The following SUPT5H variants were observed in gnomAD, a reference collection of about 807,000 sequenced individuals.
SUPT5H encodes the protein SPT5 homolog, DSIF elongation factor subunit.
Under a neutral mutation model 142.5 loss-of-function variants are expected in SUPT5H, and 24 were observed. The observed-to-expected ratio is 0.17, with a 90% CI of 0.12 to 0.24. The LOEUF is 0.24. SUPT5H is among the 10% of genes least tolerant of loss of function. The pLI, the probability that SUPT5H is intolerant of heterozygous loss-of-function variation, is 1.00. For missense variants in SUPT5H, 893 were observed against 1,471.8 expected (o/e 0.61, Z 6.43); for synonymous variants, 546 against 553.0 (o/e 0.99, Z 0.18).
chr19:39,446,804 C>G (rs2078960034), intron 2 of SUPT5H, among the ~76,000 whole-genome samples: 2 of 152,136 alleles, frequency 1.3e-5, no homozygotes, highest in Admixed American at 6.6e-5. Flanking sequence ...GTCAGGAGTT[C>G]AAGACCAGCC....
chr19:39,454,586 C>T lies in SUPT5H; in HGVS notation c.241+1065C>T, dbSNP rs113394994. On this transcript the variant is annotated intron_variant, in intron 3 of 29. Coordinates refer to ENST00000432763, the MANE Select transcript of SUPT5H (RefSeq NM_001111020.3). ...CGAACTCCTGACCTTGTGATCCGCC[C>T]GCCCTGGCCTCCCAAAGTGCTGAGA... Among the ~76,000 whole-genome samples the T allele has an allele frequency of 3.5e-3, 524 of 151,808 alleles. 3 individuals carry two copies. Among genetic ancestry groups the T allele is most frequent in the African/African-American group, 0.012 (500 of 41,376 alleles).
At chr19:39,451,187 C>T (rs1442925339) in intron 2 of SUPT5H, among the ~76,000 whole-genome samples, 3 of 111,698 alleles carry the variant, frequency 2.7e-5, no homozygotes, top group South Asian at 2.9e-4. Flanking sequence ...TGAGCATGAC[C>T]TTTTTTTTTT....
chr19:39,459,880 C>T lies in SUPT5H; in HGVS notation c.556-12C>T, dbSNP rs1458094210. On this transcript the variant is annotated splice_polypyrimidine_tract_variant and intron_variant, in intron 9 of 29. Coordinates refer to ENST00000432763, the MANE Select transcript of SUPT5H (RefSeq NM_001111020.3). ...CCTGTCATCTCTCTCAAATCTGCCT[C>T]TCATCTTCCAGATTGGGGAGGAACG... 1.9e-6 allele frequency: 3 copies of T among 1,614,094 alleles called. No individual in the cohort carries two copies. The highest frequency in any genetic ancestry group is 1.1e-5 in the South Asian group (1 of 91,078).
rs1201399286 is a variant in SUPT5H at position 39,472,516 on chromosome 19, G to A, written c.2035+23G>A. 1 of 1,612,430 alleles carries A rather than the reference G, an allele frequency of 6.2e-7. No homozygotes were observed. The highest frequency in any genetic ancestry group is 2.2e-5 in the East Asian group (1 of 44,864). On this transcript the variant is annotated intron_variant, in intron 21 of 29. Coordinates refer to ENST00000432763, the MANE Select transcript of SUPT5H (RefSeq NM_001111020.3). The surrounding 1 kb of genome is among the most constrained non-coding windows in gnomAD (Gnocchi z 4.2). ...GAGGTGAGAGGGGTTCAGGGTCAGG[G>A]GATGTGGTGGGTAGAAGGGGCTGGA... is the stretch of plus-strand genomic sequence containing the variant.
chr19:39,468,022 G>C (rs906666248), intron 13 of SUPT5H: 3 of 152,160 alleles, frequency 2.0e-5, no homozygotes, highest in Non-Finnish European at 4.4e-5. Flanking sequence ...CCCTCTCCCA[G>C]ATTCACCATG....
intron 2 of SUPT5H, among the ~76,000 whole-genome samples, chr19:39,451,185 A>AT (rs2079017297): frequency 8.5e-6 from 1 of 117,378 alleles, no homozygotes; most frequent in Non-Finnish European, 1.7e-5. Flanking sequence ...TTTGAGCATG[A>AT]CCTTTTTTTT....
In SUPT5H at chr19:39,474,298, C is replaced by T; in HGVS notation, c.2716C>T (p.Pro906Ser). The change falls in exon 27 of 30, where the codon CCC becomes TCC. Residue 906 changes from proline (P) to serine (S), a missense_variant. Physicochemically the swap from Pro to Ser is moderately conservative, Grantham distance 74. Coordinates refer to ENST00000432763, the MANE Select transcript of SUPT5H (RefSeq NM_001111020.3). This position sits in a 1 kb window ranked among gnomAD's most constrained non-coding sequence, Gnocchi z 6.5. ...PSPQGSYQPS[P>S]SPQSYHQVAP... ...CCCACAAGGTTCCTACCAGCCCAGC[C>T]CCAGCCCCCAGAGCTACCACCAGGT... 1 of 1,614,108 alleles carries T rather than the reference C, an allele frequency of 6.2e-7. No individual in the cohort carries two copies. The highest frequency in any genetic ancestry group is 8.5e-7 in the Non-Finnish European group (1 of 1,180,006).
rs1420595149 is a variant in SUPT5H at position 39,474,209 on chromosome 19, G to GC, written c.2652-20dup. ...TTTTCCCCTCCCTCCTCCAACAAAT[G>GC]CCCCCTTCTCTCCTGTCTCTGCAGG... On this transcript the variant is annotated intron_variant, in intron 26 of 29. Transcript: ENST00000432763. The surrounding 1 kb of genome is among the most constrained non-coding windows in gnomAD (Gnocchi z 6.5). The GC allele has an allele frequency of 6.2e-7, 1 of 1,613,310 alleles. No homozygotes were observed. Among genetic ancestry groups the GC allele is most frequent in the East Asian group, 2.2e-5 (1 of 44,858 alleles).
rs2079310726 is a variant in SUPT5H at position 39,470,927 on chromosome 19, G to T, written c.1677+404G>T. On this transcript the variant is annotated intron_variant, in intron 18 of 29. Transcript: ENST00000432763. The surrounding 1 kb of genome is among the most constrained non-coding windows in gnomAD (Gnocchi z 5.8). ...CACATCTTGGCTTTGTTGCTCCTGTGCTGTCTGACCCTGGGCTAGTGACTC... is the reference window on the plus strand; with the variant it reads ...CACATCTTGGCTTTGTTGCTCCTGTTCTGTCTGACCCTGGGCTAGTGACTC... Among the ~76,000 whole-genome samples the T allele has an allele frequency of 6.6e-6, 1 of 152,090 alleles. No individual in the cohort carries two copies.
rs564231631 is a variant in SUPT5H at position 39,473,857 on chromosome 19, G to A, written c.2493-106G>A. 93 of 1,481,050 alleles carry A rather than the reference G, an allele frequency of 6.3e-5. No individual in the cohort carries two copies. In the Middle Eastern group the frequency reaches 9.2e-4, roughly 15 times the overall value. 91.7% of individuals were successfully genotyped at this position (1,481,050 alleles called of 1,614,324 possible). Reference sequence around the variant, plus strand: ...AGGAGTGCCTCTGGATGGGGCTCCCGTGAGAATGAAATTGCTTCAGTTGGG... The same window carrying A: ...AGGAGTGCCTCTGGATGGGGCTCCCATGAGAATGAAATTGCTTCAGTTGGG... On this transcript the variant is annotated intron_variant, in intron 25 of 29. Transcript: ENST00000432763. The surrounding 1 kb of genome is among the most constrained non-coding windows in gnomAD (Gnocchi z 5.8).
In SUPT5H at chr19:39,469,540, G is replaced by A. The variant is rs1331255129; in HGVS notation, c.1374+142G>A. 4.0e-6 allele frequency: 5 copies of A among 1,239,106 alleles called. No homozygotes were observed. Among genetic ancestry groups the A allele is most frequent in the African/African-American group, 1.5e-5 (1 of 67,262 alleles). The allele number at this position is 1,239,106 out of a possible 1,614,324, so 76.8% of individuals were successfully genotyped here. On this transcript the variant is annotated intron_variant, in intron 16 of 29. Transcript: ENST00000432763. This position sits in a 1 kb window ranked among gnomAD's most constrained non-coding sequence, Gnocchi z 5.1. The stretch of plus-strand genomic sequence containing the variant: ...GCCCTTCTAGCATTCTCAGGTGCCT[G>A]AGAGGCTCTGTCTGAGTGCAGCTCA...
At position 39,466,622 on chromosome 19, in the gene SUPT5H, G is replaced by A; in HGVS notation, c.966+53G>A. On this transcript the variant is annotated intron_variant, in intron 12 of 29. Coordinates refer to ENST00000432763, the MANE Select transcript of SUPT5H (RefSeq NM_001111020.3). This position sits in a 1 kb window ranked among gnomAD's most constrained non-coding sequence, Gnocchi z 4.3. ...GGGAGGGAGTGTGCTCGATCCCACTGGTGGCCAAGCCCCCTCCCTCACCCT... is the reference window on the plus strand; with the variant it reads ...GGGAGGGAGTGTGCTCGATCCCACTAGTGGCCAAGCCCCCTCCCTCACCCT... 6.2e-7 allele frequency: 1 copy of A among 1,613,062 alleles called. No homozygotes were observed. Among genetic ancestry groups the A allele is most frequent in the Non-Finnish European group, 8.5e-7 (1 of 1,179,006 alleles).
Position 39,472,363 on chromosome 19 carries a change from T to A in SUPT5H, c.1951-46T>A, listed in dbSNP as rs765951028. ...GATGATGAGTTCCTGTGGTTTGTGG[T>A]TCCCCCATCCCCTGCCTGCCAGTTC... On this transcript the variant is annotated intron_variant, in intron 20 of 29. Transcript: ENST00000432763. The surrounding 1 kb of genome is among the most constrained non-coding windows in gnomAD (Gnocchi z 4.2). 1 of 1,589,784 alleles carries A rather than the reference T, an allele frequency of 6.3e-7. No homozygotes were observed. Among genetic ancestry groups the A allele is most frequent in the Non-Finnish European group, 8.6e-7 (1 of 1,159,098 alleles).
rs1240419524 is a variant in SUPT5H, at chr19:39,445,874, C to T, written c.-17C>T. 1 of 1,612,680 alleles carries T rather than the reference C, an allele frequency of 6.2e-7. No homozygotes were observed. The highest frequency in any genetic ancestry group is 1.1e-5 in the South Asian group (1 of 90,872). On this transcript the variant is annotated 5_prime_UTR_variant, in exon 2 of 30. Coordinates refer to ENST00000432763, the MANE Select transcript of SUPT5H (RefSeq NM_001111020.3). ...GGGACGCGCCAAGGCTGCTGTCTTTCCCAGCAGCAGCGGAAGATGTCGGAC... is the reference window on the plus strand; with the variant it reads ...GGGACGCGCCAAGGCTGCTGTCTTTTCCAGCAGCAGCGGAAGATGTCGGAC...
chr19:39,456,235 C>CT (rs879431352), intron 3 of SUPT5H, among the ~76,000 whole-genome samples: 84 of 135,296 alleles, frequency 6.2e-4, no homozygotes, highest in South Asian at 9.5e-4. Flanking sequence ...TTTCTTTTTT[C>CT]TTTTTTTTTT....
intron 8 of SUPT5H, 123 bp downstream of exon 8, chr19:39,459,372 G>A (rs138163816): frequency 7.3e-6 from 10 of 1,368,572 alleles, no homozygotes; most frequent in African/African-American, 1.4e-5. Flanking sequence ...GTGGTGGATG[G>A]CAGGGGTAGG....
chr19:39,470,160 C>T lies in SUPT5H; in HGVS notation c.1416C>T (p.Phe472=), dbSNP rs1426219915. 2 of 1,613,096 alleles carry T rather than the reference C, an allele frequency of 1.2e-6. No individual in the cohort carries two copies. The highest frequency in any genetic ancestry group is 2.2e-5 in the East Asian group (1 of 44,874). The change falls in exon 17 of 30, where the codon TTC becomes TTT. Residue 472 remains phenylalanine, a synonymous_variant. Transcript: ENST00000432763. The surrounding 1 kb of genome is among the most constrained non-coding windows in gnomAD (Gnocchi z 5.8). ...CAGCCCAGGAACTTAGAAAATACTT[C>T]AAGATGGGGGACCACGTGAAGGTGA... The part of the protein sequence containing the change: ...EFPAQELRKY[F]KMGDHVKVIA...
chr19:39,457,372 A>G (rs2079104276), intron 3 of SUPT5H, among the ~76,000 whole-genome samples: 2 of 152,192 alleles, frequency 1.3e-5, no homozygotes, highest in South Asian at 4.1e-4. Flanking sequence ...TCATTTTCTG[A>G]TAGTTGGGAG....
At position 39,474,712 on chromosome 19, in the gene SUPT5H, T is replaced by C. The variant is rs970362333; in HGVS notation, c.3018T>C (p.Ser1006=). Residue 1006 remains serine, a synonymous_variant, in exon 28 of 30, where the codon AGT becomes AGC. Coordinates refer to ENST00000432763, the MANE Select transcript of SUPT5H (RefSeq NM_001111020.3). The surrounding 1 kb of genome is among the most constrained non-coding windows in gnomAD (Gnocchi z 6.5). ...QVVGQTGVIR[S]VTGGMCSVYL... The stretch of plus-strand genomic sequence containing the variant: ...TGGGACAGACAGGTGTCATCCGCAG[T>C]GTCACGGTACGTGGGGCCCAGGGTG... 1.9e-6 allele frequency: 3 copies of C among 1,610,970 alleles called. No individual in the cohort carries two copies. In the African/African-American group the frequency reaches 4.0e-5, roughly 22 times the overall value.
Sources: gnomAD v4.1 joint callset for allele counts (sites outside exome capture counted in the v4.1 genomes callset) on GRCh38, gnomAD v4.1.1 for gene constraint, Gnocchi (gnomAD v3.1) non-coding constraint, MANE v1.5 for transcripts, NCBI Gene and HGNC (gene_info 2026-07-23, HGNC 2026-07-21) for gene names.